MACF1: variants seen among roughly 807,000 people sequenced by gnomAD.
MACF1 encodes the protein microtubule actin crosslinking factor 1, also known as microtubule-actin cross-linking factor 1.
Under a neutral mutation model 854.8 loss-of-function variants are expected in MACF1, and 193 were observed. The observed-to-expected ratio is 0.23, with a 90% CI of 0.20 to 0.25. The LOEUF is 0.25. Among genes scored for constraint, MACF1 ranks in the 10% least tolerant of loss-of-function variants. MACF1 has a pLI of 1.00. For synonymous variants in MACF1, 3,185 were observed against 3,226.7 expected (o/e 0.99, Z 0.44); for missense variants, 7,722 against 8,929.1 (o/e 0.86, Z 5.45).
chr1:39,485,124 C>T (rs931401266), intron 100 of MACF1: 4 of 322,736 alleles, frequency 1.2e-5, no homozygotes, highest in Non-Finnish European at 2.3e-5. Flanking sequence ...AAGATCACAT[C>T]TGTTCTCCTG....
intron 1 of MACF1, among the ~76,000 whole-genome samples, chr1:39,225,176 C>G (rs976337477): frequency 1.3e-4 from 19 of 151,458 alleles, no homozygotes; most frequent in African/African-American, 4.6e-4. Context: ...AGAATGAGAC[C>G]CTGTCTCAAA....
rs777617089 is a variant in MACF1 at position 39,324,598 on chromosome 1, C to T, written c.4390-48C>T. ...AAATAATTTTAAATAATTTTTGACT[C>T]TTAATTCTTGGGTTTTGAAGCTTTT... On this transcript the variant is annotated intron_variant, in intron 34 of 100. Transcript: ENST00000564288. 4 of 1,471,652 alleles carry T rather than the reference C, an allele frequency of 2.7e-6. No individual in the cohort carries two copies. In the African/African-American group the frequency reaches 5.7e-5, roughly 21 times the overall value. The allele number at this position is 1,471,652 out of a possible 1,614,324, so 91.2% of individuals were successfully genotyped here.
At chr1:39,229,169 A>C (rs1388637349) in intron 1 of MACF1, among the ~76,000 whole-genome samples, 1 of 152,168 alleles carries the variant, frequency 6.6e-6, no homozygotes, top group East Asian at 1.9e-4. Context: ...TTTGTTGTTG[A>C]AGGGATTTGT....
chr1:39,251,176 T>C lies in MACF1; in HGVS notation c.262-670T>C, dbSNP rs182329221. Among the ~76,000 whole-genome samples the C allele has an allele frequency of 1.2e-3, 184 of 152,226 alleles. 1 individual carries two copies. The highest frequency in any genetic ancestry group is 4.4e-3 in the African/African-American group (182 of 41,566). On this transcript the variant is annotated intron_variant, in intron 3 of 100. Coordinates refer to ENST00000564288, the MANE Select transcript of MACF1 (RefSeq NM_001394062.1). ...TCCTTTGTTTTGGTTTCGTATCTTT[T>C]TTTTTGCCTTGCAATAGAATTAATT...
intron 2 of MACF1, among the ~76,000 whole-genome samples, chr1:39,245,725 C>T (rs776961855): frequency 6.6e-6 from 1 of 152,180 alleles, no homozygotes; most frequent in Non-Finnish European, 1.5e-5. Flanking sequence ...GTGTCTCAAT[C>T]AATCAAGCAA....
chr1:39,089,183 A>C (rs924859229), intron 2 of MACF1, among the ~76,000 whole-genome samples: 6 of 152,178 alleles, frequency 3.9e-5, no homozygotes, highest in Admixed American at 3.9e-4. Flanking sequence ...AGACCAGCCT[A>C]TGAGACCCTG....
chr1:39,344,359 G>A (rs1029240952), intron 40 of MACF1, among the ~76,000 whole-genome samples: 3 of 151,702 alleles, frequency 2.0e-5, no homozygotes, highest in African/African-American at 7.3e-5. Context: ...TTGAACCCGG[G>A]AGGTGGAGAT....
At chr1:39,393,744 C>T (rs932653132) in intron 58 of MACF1, among the ~76,000 whole-genome samples, 2 of 151,368 alleles carry the variant, frequency 1.3e-5, no homozygotes, top group South Asian at 2.1e-4. Flanking sequence ...AGGACGTTGA[C>T]GCTGCAGTGA....
At chr1:39,175,379 A>C (rs1644009456) in intron 2 of MACF1, among the ~76,000 whole-genome samples, 1 of 152,314 alleles carries the variant, frequency 6.6e-6, no homozygotes, top group East Asian at 1.9e-4. Context: ...CAAAAACTAG[A>C]ATCATGTACA....
intron 84 of MACF1, among the ~76,000 whole-genome samples, 190 bp from the exon 85 acceptor site, chr1:39,450,862 C>T (rs1258017642): frequency 2.6e-5 from 4 of 151,958 alleles, no homozygotes; most frequent in Admixed American, 6.6e-5. Flanking sequence ...CTGCCCACCT[C>T]GGCCTCCCAA....
rs758180621 is a variant in MACF1 at position 39,315,679 on chromosome 1, T to C, written c.3437T>C (p.Val1146Ala). 3.5e-5 allele frequency: 57 copies of C among 1,613,758 alleles called. No homozygotes were observed. The highest frequency in any genetic ancestry group is 4.4e-5 in the Non-Finnish European group (52 of 1,179,932). ...GACCATGTCTATGGTCTCTCTACTG[T>C]ATATCTGAATAAGTGAGTGAGCTGA... ...KMDHVYGLST[V>A]YLNKLKTVDV... The change falls in exon 27 of 101, where the codon GTA becomes GCA. Residue 1146 changes from valine to alanine, a missense_variant. Transcript: ENST00000564288.
intron 6 of MACF1, among the ~76,000 whole-genome samples, chr1:39,262,397 C>CCAAAA (rs1391034707): frequency 1.5e-5 from 1 of 68,804 alleles, no homozygotes; most frequent in African/African-American, 5.9e-5. Context: ...GACTCCATCA[C>CCAAAA]AAAAAAAAAA....
rs766364371 is a variant in MACF1, at chr1:39,381,988, G to A, written c.13684G>A (p.Ala4562Thr). Residue 4562 changes from alanine to threonine, a missense_variant, in exon 56 of 101, where the codon GCT becomes ACT. Physicochemically the swap from Ala to Thr is moderately conservative, Grantham distance 58. Around this residue, in one of 15 missense-constraint regions of MACF1, gnomAD observed 2,807 missense variants for 3,235.8 expected, o/e 0.87. Transcript: ENST00000564288. ...RWERATEVTV[A>T]RQRQLEESAS... ...GGAAAGGGCCACTGAGGTTACTGTG[G>A]CTCGGCAAAGGCAGCTAGAGGAATC... 1.2e-6 allele frequency: 2 copies of A among 1,613,946 alleles called. No homozygotes were observed. Among genetic ancestry groups the A allele is most frequent in the East Asian group, 2.2e-5 (1 of 44,892 alleles).
intron 25 of MACF1, 143 bp from the exon 26 acceptor site, chr1:39,310,688 T>G (rs900350131): frequency 4.6e-6 from 4 of 867,252 alleles, no homozygotes; most frequent in Non-Finnish European, 6.9e-6. Context: ...TCTCAAAGAT[T>G]AGTATACAGT....
At chr1:39,208,830 G>A (rs1343000640) in intron 1 of MACF1, among the ~76,000 whole-genome samples, 1 of 151,784 alleles carries the variant, frequency 6.6e-6, no homozygotes, top group Non-Finnish European at 1.5e-5. Flanking sequence ...TCATCATGTT[G>A]GTCAGGCTGG....
At chr1:39,208,007 C>G (rs1463366118) in intron 1 of MACF1, among the ~76,000 whole-genome samples, 2 of 151,694 alleles carry the variant, frequency 1.3e-5, no homozygotes, top group East Asian at 3.9e-4. Context: ...ATGGCAGGTG[C>G]CTGTAATCCC....
At chr1:39,115,560 G>A (rs998146389) in intron 2 of MACF1, among the ~76,000 whole-genome samples, 3 of 152,070 alleles carry the variant, frequency 2.0e-5, no homozygotes, top group South Asian at 2.1e-4. Context: ...GTTACATTGC[G>A]GTCGAGGCTT....
At chr1:39,429,143 A>G (rs1290059094) in intron 63 of MACF1, 99 bp from the exon 64 acceptor site, 2 of 638,554 alleles carry the variant, frequency 3.1e-6, no homozygotes, top group Non-Finnish European at 5.7e-6. Context: ...TTAAACTAGT[A>G]TTCATCTCTT....
chr1:39,430,881 T>C lies in MACF1; in HGVS notation c.17310T>C (p.Ile5770=). The C allele has an allele frequency of 6.2e-7, 1 of 1,612,482 alleles. No individual in the cohort carries two copies. Among genetic ancestry groups the C allele is most frequent in the Non-Finnish European group, 8.5e-7 (1 of 1,179,960 alleles). Reference sequence around the variant, plus strand: ...CTATTGGACAAAGGGTGGATGAAATTGATGCTGCTATTCAGAGATCACAAC... The same window carrying C: ...CTATTGGACAAAGGGTGGATGAAATCGATGCTGCTATTCAGAGATCACAAC... ...SDTIGQRVDE[I]DAAIQRSQQY... is the part of the protein sequence containing the mutation. Residue 5770 remains isoleucine (I), a synonymous_variant, in exon 66 of 101, where the codon ATT becomes ATC. Coordinates refer to ENST00000564288, the MANE Select transcript of MACF1 (RefSeq NM_001394062.1).
Sources: allele counts gnomAD v4.1 joint callset (sites outside exome capture counted in the v4.1 genomes callset), GRCh38; gene constraint gnomAD v4.1.1; regional missense constraint gnomAD v4.1.1; transcripts MANE v1.5; gene names NCBI Gene and HGNC (gene_info 2026-07-23, HGNC 2026-07-21).